DPYD: variants seen among roughly 807,000 people sequenced by gnomAD.
DPYD encodes dihydropyrimidine dehydrogenase.
Under a neutral mutation model 116.2 loss-of-function variants are expected in DPYD, and 109 were observed. That is an observed-to-expected ratio of 0.94 (90% CI 0.80 to 1.10). DPYD has a LOEUF of 1.10. DPYD is among the 50% of genes least tolerant of loss of function. DPYD has a pLI of 0.00. For missense variants in DPYD, 1,302 were observed against 1,254.5 expected (o/e 1.04, Z -0.57); for synonymous variants, 440 against 432.0 (o/e 1.02, Z -0.23).
rs761351410 is a variant in DPYD at position 97,234,979 on chromosome 1, G to A, written c.2315C>T (p.Pro772Leu). 3 of 1,613,986 alleles carry A rather than the reference G, an allele frequency of 1.9e-6. No individual in the cohort carries two copies. Among genetic ancestry groups the A allele is most frequent in the Admixed American group, 1.7e-5 (1 of 60,018 alleles). Residue 772 changes from proline to leucine, a missense_variant, in exon 19 of 23, where the codon CCT becomes CTT. Pro to Leu is a moderately conservative substitution (Grantham distance 98). Transcript: ENST00000370192. ...YGGVSGTAIR[P>L]IALRAVTSIA... is the part of the protein sequence containing the mutation. Reference sequence around the variant, plus strand: ...GGAGGTCACAGCTCTCAAAGCAATAGGTCTGATTGCTGTCCCTACACAAAA... The same window carrying A: ...GGAGGTCACAGCTCTCAAAGCAATAAGTCTGATTGCTGTCCCTACACAAAA...
Position 97,917,837 on chromosome 1 carries a change from G to C in DPYD, c.39+3047C>G, listed in dbSNP as rs138906423. On this transcript the variant is annotated intron_variant, in intron 1 of 22. Coordinates refer to ENST00000370192, the MANE Select transcript of DPYD (RefSeq NM_000110.4). ...TTCAAAGTCTATTCTCATTATCCTT[G>C]CCGGTGGAGGGGAACAAGGTCTTGA... 1.7e-3 allele frequency among the ~76,000 whole-genome samples: 260 copies of C among 152,272 alleles called. 1 individual carries two copies. Among genetic ancestry groups the C allele is most frequent in the Non-Finnish European group, 8.1e-4 (55 of 68,016 alleles).
intron 11 of DPYD, among the ~76,000 whole-genome samples, chr1:97,554,778 A>G (rs950168478): frequency 7.9e-5 from 12 of 152,034 alleles, no homozygotes; most frequent in Admixed American, 2.0e-4. Context: ...CAGTACTTTA[A>G]TCAGTATGCT....
intron 6 of DPYD, among the ~76,000 whole-genome samples, chr1:97,696,796 T>C (rs1429977259): frequency 6.6e-6 from 1 of 152,158 alleles, no homozygotes; most frequent in Non-Finnish European, 1.5e-5. Flanking sequence ...TTTATTACTA[T>C]AGAGATAATA....
intron 14 of DPYD, among the ~76,000 whole-genome samples, chr1:97,424,340 T>G (rs1050708621): frequency 4.6e-5 from 7 of 151,900 alleles, no homozygotes; most frequent in African/African-American, 7.3e-5. Flanking sequence ...GGAAACAGGG[T>G]AGAAATTTCT....
rs932150995 is a variant in DPYD at position 97,318,082 on chromosome 1, G to A, written c.2059-11785C>T. Reference sequence around the variant, plus strand: ...CCCTAAAAGAGCTCCTGAAGGAAGCGCTAAACATGGAAAGGAACAACTGGT... The same window carrying A: ...CCCTAAAAGAGCTCCTGAAGGAAGCACTAAACATGGAAAGGAACAACTGGT... On this transcript the variant is annotated intron_variant, in intron 16 of 22. Coordinates refer to ENST00000370192, the MANE Select transcript of DPYD (RefSeq NM_000110.4). Among the ~76,000 whole-genome samples the A allele has an allele frequency of 1.6e-4, 23 of 146,162 alleles. No individual in the cohort carries two copies. In the East Asian group the frequency reaches 3.0e-3, roughly 19 times the overall value.
At chr1:97,240,416 T>C (rs996667163) in intron 18 of DPYD, among the ~76,000 whole-genome samples, 1 of 152,000 alleles carries the variant, frequency 6.6e-6, no homozygotes, top group African/African-American at 2.4e-5. Context: ...GAATTTTGAA[T>C]AATTGAGTTT....
At chr1:97,683,936 A>C (rs1474594794) in intron 7 of DPYD, among the ~76,000 whole-genome samples, 1 of 152,164 alleles carries the variant, frequency 6.6e-6, no homozygotes, top group East Asian at 1.9e-4. Context: ...GCTGACAAAG[A>C]TTTTTCTGAA....
chr1:97,286,169 T>C (rs1328179912), intron 18 of DPYD, among the ~76,000 whole-genome samples: 1 of 152,134 alleles, frequency 6.6e-6, no homozygotes, highest in Non-Finnish European at 1.5e-5. Flanking sequence ...TATTTCTCCT[T>C]CACTTATGAA....
intron 5 of DPYD, among the ~76,000 whole-genome samples, chr1:97,708,229 C>T (rs1478400316): frequency 1.3e-5 from 2 of 151,990 alleles, no homozygotes; most frequent in Non-Finnish European, 2.9e-5. Flanking sequence ...ATTGTCTAAC[C>T]GAAGGTCATC....
chr1:97,144,581 T>A (rs1386670260), intron 20 of DPYD, among the ~76,000 whole-genome samples: 1 of 152,218 alleles, frequency 6.6e-6, no homozygotes, highest in Non-Finnish European at 1.5e-5. Context: ...TGTTCCCATT[T>A]CTACAATAAA....
At chr1:97,869,569 T>C (rs912665560) in intron 2 of DPYD, among the ~76,000 whole-genome samples, 33 of 151,696 alleles carry the variant, frequency 2.2e-4, no homozygotes, top group African/African-American at 8.0e-4. Flanking sequence ...CAGACATAAA[T>C]TTCCTTTTGT....
At chr1:97,745,093 G>A (rs1664474778) in intron 3 of DPYD, among the ~76,000 whole-genome samples, 1 of 151,992 alleles carries the variant, frequency 6.6e-6, no homozygotes, top group South Asian at 2.1e-4. Flanking sequence ...TCCATTAACA[G>A]CCCTTCCTAT....
intron 5 of DPYD, among the ~76,000 whole-genome samples, chr1:97,706,278 C>T (rs982459781): frequency 5.3e-5 from 8 of 151,980 alleles, no homozygotes; most frequent in Non-Finnish European, 1.0e-4. Flanking sequence ...CACTGAACTA[C>T]ATCATCTGGT....
At chr1:97,671,913 CTTTTT>C (rs1292418529) in intron 8 of DPYD, among the ~76,000 whole-genome samples, 2 of 147,438 alleles carry the variant, frequency 1.4e-5, no homozygotes, top group East Asian at 2.0e-4. Flanking sequence ...TTTGTCTTTT[CTTTTT>C]ATTTATTTAT....
At chr1:97,467,756 T>C (rs543677135) in intron 13 of DPYD, among the ~76,000 whole-genome samples, 50 of 152,120 alleles carry the variant, frequency 3.3e-4, no homozygotes, top group African/African-American at 1.1e-3. Flanking sequence ...GCATCTCCAA[T>C]AGAACATTTA....
chr1:97,662,623 ACT>A (rs1348314304), intron 8 of DPYD, among the ~76,000 whole-genome samples: 25 of 152,098 alleles, frequency 1.6e-4, no homozygotes, highest in African/African-American at 5.3e-4. Flanking sequence ...ACAGATCGAG[ACT>A]CTGTCTCAAA....
chr1:97,517,874 G>A (rs1226213109), intron 12 of DPYD, among the ~76,000 whole-genome samples: 3 of 152,034 alleles, frequency 2.0e-5, no homozygotes, highest in Non-Finnish European at 2.9e-5. Context: ...GAACTTACAA[G>A]TATTCTTCTC....
Position 97,448,390 on chromosome 1 carries a change from TTAAA to T in DPYD, c.1905+1665_1905+1668del, listed in dbSNP as rs552908763. Among the ~76,000 whole-genome samples, 374 of 152,274 alleles carry T rather than the reference TTAAA, an allele frequency of 2.5e-3. 1 individual carries two copies. The highest frequency in any genetic ancestry group is 8.2e-3 in the African/African-American group (340 of 41,548). The stretch of plus-strand genomic sequence containing the variant: ...CTGTGTGCCTCAGTTTCCTCATCAG[TTAAA>T]TAGAGAAAATAATACTACCTATCTT... On this transcript the variant is annotated intron_variant, in intron 14 of 22. Coordinates refer to ENST00000370192, the MANE Select transcript of DPYD (RefSeq NM_000110.4).
chr1:97,875,362 T>C (rs992180922), intron 2 of DPYD, among the ~76,000 whole-genome samples: 2 of 151,958 alleles, frequency 1.3e-5, no homozygotes, highest in African/African-American at 4.8e-5. Context: ...GAGATATTCA[T>C]TTGGCTGTTA....
Sources: gnomAD v4.1 joint callset for allele counts (sites outside exome capture counted in the v4.1 genomes callset) on GRCh38, gnomAD v4.1.1 for gene constraint, MANE v1.5 for transcripts, NCBI Gene and HGNC (gene_info 2026-07-23, HGNC 2026-07-21) for gene names.